Variants in PXDNL observed in about 807,000 individuals in gnomAD.
The protein encoded by PXDNL is peroxidasin like.
Under a neutral mutation model 150.8 loss-of-function variants are expected in PXDNL, and 145 were observed. That is an observed-to-expected ratio of 0.96 (90% CI 0.84 to 1.10). PXDNL has a LOEUF of 1.10. PXDNL is among the 50% of genes least tolerant of loss of function. PXDNL has a pLI of 0.00. For missense variants in PXDNL, 2,087 were observed against 1,873.9 expected (o/e 1.11, Z -2.10); for synonymous variants, 757 against 725.7 (o/e 1.04, Z -0.69).
chr8:51,674,755 T>A (rs562084134), intron 1 of PXDNL, among the ~76,000 whole-genome samples: 14 of 152,220 alleles, frequency 9.2e-5, no homozygotes, highest in Non-Finnish European at 1.5e-4. Context: ...TGTGCAGCCT[T>A]CTTACACTTT....
At chr8:51,459,268 C>T (rs545864973) in intron 8 of PXDNL, among the ~76,000 whole-genome samples, 19 of 152,322 alleles carry the variant, frequency 1.2e-4, no homozygotes, top group Non-Finnish European at 2.1e-4. Context: ...ATTCAAGGGG[C>T]TCATTTAGTA....
chr8:51,517,039 T>C (rs1811555907), intron 4 of PXDNL, among the ~76,000 whole-genome samples: 1 of 152,222 alleles, frequency 6.6e-6, no homozygotes, highest in South Asian at 2.1e-4. Flanking sequence ...TCAGGAAAAG[T>C]ATAAAACAAA....
intron 13 of PXDNL, among the ~76,000 whole-genome samples, chr8:51,424,491 C>T (rs1349629981): frequency 6.6e-6 from 1 of 151,578 alleles, no homozygotes; most frequent in Non-Finnish European, 1.5e-5. Context: ...TGTATGTACT[C>T]ATATGTTTTG....
intron 4 of PXDNL, among the ~76,000 whole-genome samples, chr8:51,549,483 C>A (rs530094018): frequency 6.6e-6 from 1 of 152,166 alleles, no homozygotes; most frequent in Middle Eastern, 3.4e-3. Context: ...ATCAAGTATT[C>A]TCTCAGATCA....
chr8:51,566,794 G>T (rs1812838712), intron 3 of PXDNL, among the ~76,000 whole-genome samples: 1 of 148,702 alleles, frequency 6.7e-6, no homozygotes. Context: ...ATTGATTTCT[G>T]CTCTATTTTG....
intron 9 of PXDNL, among the ~76,000 whole-genome samples, chr8:51,457,037 T>C (rs977669153): frequency 1.3e-5 from 2 of 152,234 alleles, no homozygotes; most frequent in African/African-American, 4.8e-5. Context: ...CTGGTTTATA[T>C]AAGCCACTGA....
intron 13 of PXDNL, 67 bp from the exon 14 acceptor site, chr8:51,423,798 T>A (rs1204234619): frequency 1.4e-6 from 2 of 1,452,822 alleles, no homozygotes; most frequent in African/African-American, 1.4e-5. Flanking sequence ...ATTTACTTTT[T>A]AAAATGTGGG....
intron 2 of PXDNL, among the ~76,000 whole-genome samples, chr8:51,637,033 G>GCAACATTTGCTGCTCAA (rs1279286954): frequency 6.6e-6 from 1 of 152,156 alleles, no homozygotes; most frequent in East Asian, 1.9e-4. Flanking sequence ...TTGCTGCTCA[G>GCAACATTTGCTGCTCAA]CAACATTCAC....
At chr8:51,389,690 C>A (rs778406063) in intron 17 of PXDNL, among the ~76,000 whole-genome samples, 5 of 152,176 alleles carry the variant, frequency 3.3e-5, no homozygotes, top group Non-Finnish European at 7.4e-5. Flanking sequence ...ATAAGAATTG[C>A]CCATTTGTTT....
chr8:51,629,299 C>G (rs1391216426), intron 2 of PXDNL, among the ~76,000 whole-genome samples: 1 of 152,056 alleles, frequency 6.6e-6, no homozygotes, highest in African/African-American at 2.4e-5. Context: ...ACAGTTTCAA[C>G]AGCACATTTG....
chr8:51,623,877 T>G (rs912701322), intron 2 of PXDNL, among the ~76,000 whole-genome samples: 2 of 152,042 alleles, frequency 1.3e-5, no homozygotes, highest in African/African-American at 4.8e-5. Context: ...AAGGCTCACT[T>G]CAGGCCAGGA....
At chr8:51,634,818 C>T (rs1431831725) in intron 2 of PXDNL, among the ~76,000 whole-genome samples, 1 of 152,074 alleles carries the variant, frequency 6.6e-6, no homozygotes, top group African/African-American at 2.4e-5. Flanking sequence ...GATTTCTGTA[C>T]ATTGACTTTG....
Position 51,579,449 on chromosome 8 carries a change from A to C in PXDNL, c.308+13178T>G, listed in dbSNP as rs73678923. Among the ~76,000 whole-genome samples the C allele has an allele frequency of 5.5e-3, 832 of 152,180 alleles. 5 individuals carry two copies. Among genetic ancestry groups the C allele is most frequent in the African/African-American group, 0.019 (789 of 41,566 alleles). ...TAAAATTAAAAATAGTGACAATGCA[A>C]AATGTTGGCAGGGGTACAGAGAAAC... On this transcript the variant is annotated intron_variant, in intron 3 of 22. Transcript: ENST00000356297.
At chr8:51,347,738 C>T (rs1056580489) in intron 19 of PXDNL, among the ~76,000 whole-genome samples, 5 of 148,504 alleles carry the variant, frequency 3.4e-5, no homozygotes, top group Non-Finnish European at 4.4e-5. Flanking sequence ...CCACCGCGCC[C>T]GACCTATTGC....
At position 51,408,916 on chromosome 8, in the gene PXDNL, G is replaced by C. The variant is rs372845614; in HGVS notation, c.2708C>G (p.Ser903Trp). 65 of 1,610,752 alleles carry C rather than the reference G, an allele frequency of 4.0e-5. No individual in the cohort carries two copies. In the African/African-American group the frequency reaches 8.1e-4, roughly 20 times the overall value. Residue 903 changes from serine to tryptophan, a missense_variant, in exon 17 of 23, where the codon TCG becomes TGG. By Grantham distance (177) the Ser-to-Trp change is radical (BLOSUM62 -3). Transcript: ENST00000356297. ...TCTGAGAGCCTGGGATTCCCGCTCCGAGCTCCCGTAAACGTTGGAGCCATC... is the reference window on the plus strand; with the variant it reads ...TCTGAGAGCCTGGGATTCCCGCTCCCAGCTCCCGTAAACGTTGGAGCCATC... The part of the protein sequence containing the change: ...YIDGSNVYGS[S>W]ERESQALRDP...
chr8:51,469,094 T>A (rs1389202377), intron 8 of PXDNL, among the ~76,000 whole-genome samples: 1 of 152,082 alleles, frequency 6.6e-6, no homozygotes, highest in Non-Finnish European at 1.5e-5. Context: ...AAAATGTTTT[T>A]ATTTCACCTT....
chr8:51,324,389 G>A lies in PXDNL; in HGVS notation c.4147-3492C>T, dbSNP rs78350261. Among the ~76,000 whole-genome samples, 470 of 152,182 alleles carry A rather than the reference G, an allele frequency of 3.1e-3. 4 individuals are homozygous for A. The highest frequency in any genetic ancestry group is 0.027 in the East Asian group (139 of 5,188). ...GCAGTTTTATGGGGAAAGCATTCAAGCATTCACCATTCAGCATGTAAATGG... is the reference window on the plus strand; with the variant it reads ...GCAGTTTTATGGGGAAAGCATTCAAACATTCACCATTCAGCATGTAAATGG... On this transcript the variant is annotated intron_variant, in intron 21 of 22. Coordinates refer to ENST00000356297, the MANE Select transcript of PXDNL (RefSeq NM_144651.5).
intron 1 of PXDNL, among the ~76,000 whole-genome samples, chr8:51,686,950 T>C (rs990372698): frequency 7.2e-5 from 11 of 152,186 alleles, no homozygotes; most frequent in Admixed American, 2.0e-4. Context: ...AAAACTCCAG[T>C]AGAAACTTTG....
At chr8:51,548,106 A>AAAAAG (rs975811220) in intron 4 of PXDNL, among the ~76,000 whole-genome samples, 5 of 151,672 alleles carry the variant, frequency 3.3e-5, no homozygotes, top group African/African-American at 1.2e-4. Context: ...AAAAAAAAAA[A>AAAAAG]AAAGAAGGCT....
Sources: allele counts gnomAD v4.1 joint callset (sites outside exome capture counted in the v4.1 genomes callset), GRCh38; gene constraint gnomAD v4.1.1; transcripts MANE v1.5; gene names NCBI Gene and HGNC (gene_info 2026-07-23, HGNC 2026-07-21).